Variants in SNTG1 observed in about 807,000 individuals in gnomAD.
The protein encoded by SNTG1 is gamma-1-syntrophin.
Under a neutral mutation model 74.7 loss-of-function variants are expected in SNTG1, and 39 were observed. That is an observed-to-expected ratio of 0.52 (90% CI 0.40 to 0.68). The LOEUF (loss-of-function observed/expected upper bound fraction) is 0.68, where lower values mean the gene tolerates loss of function less well. Among genes scored for constraint, SNTG1 ranks in the 30% least tolerant of loss-of-function variants. The pLI is 0.00. For synonymous variants in SNTG1, 254 were observed against 217.1 expected (o/e 1.17, Z -1.49); for missense variants, 685 against 609.5 (o/e 1.12, Z -1.30).
chr8:50,327,004 A>T (rs1156640906), intron 2 of SNTG1, among the ~76,000 whole-genome samples: 1 of 151,698 alleles, frequency 6.6e-6, no homozygotes, highest in Non-Finnish European at 1.5e-5. Flanking sequence ...GATTTTCTAG[A>T]TATCTTTCTG....
chr8:49,988,945 A>G (rs1813426821), intron 1 of SNTG1, among the ~76,000 whole-genome samples: 1 of 151,996 alleles, frequency 6.6e-6, no homozygotes, highest in African/African-American at 2.4e-5. Flanking sequence ...TTTAAATACA[A>G]CTGAAAGAGT....
chr8:50,689,546 A>G (rs193024455), intron 15 of SNTG1, among the ~76,000 whole-genome samples: 1 of 152,176 alleles, frequency 6.6e-6, no homozygotes, highest in Admixed American at 6.5e-5. Context: ...ATGCTGGATT[A>G]AATTTATTGA....
In SNTG1 at chr8:50,696,127, T is replaced by A. The variant is rs116467999; in HGVS notation, c.1039-8473T>A. On this transcript the variant is annotated intron_variant, in intron 15 of 18. Transcript: ENST00000642720. ...CTTTTCTCTATATCTTCACCAAATC[T>A]GTTATTTTATGACATTTTAGTAATA... 6.2e-3 allele frequency among the ~76,000 whole-genome samples: 939 copies of A among 152,162 alleles called. 13 individuals are homozygous for A. Among genetic ancestry groups the A allele is most frequent in the African/African-American group, 0.022 (907 of 41,558 alleles).
chr8:50,021,208 A>G (rs989861826), intron 1 of SNTG1, among the ~76,000 whole-genome samples: 3 of 152,184 alleles, frequency 2.0e-5, no homozygotes, highest in Non-Finnish European at 4.4e-5. Flanking sequence ...GTTGATTTTC[A>G]AATGAAAGAG....
chr8:50,451,357 T>C (rs1345300481), intron 8 of SNTG1, among the ~76,000 whole-genome samples: 1 of 152,284 alleles, frequency 6.6e-6, no homozygotes, highest in Non-Finnish European at 1.5e-5. Flanking sequence ...CCACGGGTGT[T>C]GGTATCCTCT....
chr8:50,141,899 C>T (rs2081670496), intron 1 of SNTG1, among the ~76,000 whole-genome samples: 1 of 151,882 alleles, frequency 6.6e-6, no homozygotes, highest in South Asian at 2.1e-4. Flanking sequence ...AAAAGCTGGG[C>T]ATATATATGT....
chr8:50,445,513 G>A lies in SNTG1; in HGVS notation c.220-4155G>A, dbSNP rs537243233. On this transcript the variant is annotated intron_variant, in intron 5 of 18. Transcript: ENST00000642720. ...ATTTCACAGTAATGCTAGTAAAACC[G>A]TTGTGTAGAGTCATTCTCAAAATGC... Among the ~76,000 whole-genome samples the A allele has an allele frequency of 3.3e-5, 5 of 152,186 alleles. No homozygotes were observed. In the South Asian group the frequency reaches 1.0e-3, roughly 32 times the overall value.
intron 13 of SNTG1, among the ~76,000 whole-genome samples, chr8:50,642,768 T>G (rs1471808524): frequency 1.3e-5 from 2 of 152,160 alleles, no homozygotes; most frequent in African/African-American, 4.8e-5. Context: ...ATTTATTTAT[T>G]TATGGTTCCC....
At chr8:50,685,233 A>C (rs2131407750) in intron 15 of SNTG1, among the ~76,000 whole-genome samples, 1 of 152,264 alleles carries the variant, frequency 6.6e-6, no homozygotes, top group African/African-American at 2.4e-5. Flanking sequence ...TTTTCCTCCA[A>C]GAGATTGGTT....
At chr8:50,503,955 C>A (rs2093985152) in intron 9 of SNTG1, among the ~76,000 whole-genome samples, 2 of 151,972 alleles carry the variant, frequency 1.3e-5, no homozygotes, top group African/African-American at 4.8e-5. Context: ...AAATTAGTAC[C>A]CATTAGTTAT....
chr8:50,615,887 GATCA>G (rs1192277273), intron 13 of SNTG1, among the ~76,000 whole-genome samples: 3 of 152,200 alleles, frequency 2.0e-5, no homozygotes, highest in South Asian at 2.1e-4. Flanking sequence ...GGCACATACT[GATCA>G]ATCAATCACT....
intron 18 of SNTG1, among the ~76,000 whole-genome samples, chr8:50,789,770 A>AT (rs2095685957): frequency 6.6e-6 from 1 of 151,840 alleles, no homozygotes; most frequent in African/African-American, 2.4e-5. Context: ...CAGAATCATC[A>AT]TTTTCTGACT....
At chr8:49,979,776 C>T (rs1261299774) in intron 1 of SNTG1, among the ~76,000 whole-genome samples, 1 of 152,202 alleles carries the variant, frequency 6.6e-6, no homozygotes, top group Non-Finnish European at 1.5e-5. Flanking sequence ...TCTGAGAGAC[C>T]CGCAGCCCAG....
chr8:50,164,475 T>A (rs899279522), intron 1 of SNTG1: 1 of 152,226 alleles, frequency 6.6e-6, no homozygotes, highest in Non-Finnish European at 1.5e-5. Flanking sequence ...ATAGTTTTGT[T>A]CTGCAAAATC....
chr8:50,292,717 C>A (rs879625433), intron 2 of SNTG1, among the ~76,000 whole-genome samples: 3 of 152,040 alleles, frequency 2.0e-5, no homozygotes, highest in Non-Finnish European at 4.4e-5. Context: ...GGGAGAGGCT[C>A]CGTGAGTTTA....
intron 1 of SNTG1, among the ~76,000 whole-genome samples, chr8:49,955,185 A>G (rs1443147430): frequency 1.3e-5 from 2 of 152,230 alleles, no homozygotes; most frequent in Non-Finnish European, 1.5e-5. Context: ...TGTGTAATCT[A>G]TTTCAATATA....
intron 2 of SNTG1, among the ~76,000 whole-genome samples, chr8:50,232,941 T>G (rs1021422403): frequency 1.3e-5 from 2 of 151,648 alleles, no homozygotes; most frequent in East Asian, 3.9e-4. Context: ...AATAAAGTCA[T>G]ACTGTGTTCA....
chr8:50,097,291 T>G (rs2079962993), intron 1 of SNTG1, among the ~76,000 whole-genome samples: 1 of 151,144 alleles, frequency 6.6e-6, no homozygotes, highest in Admixed American at 6.6e-5. Flanking sequence ...GTGTAGATGC[T>G]TAGTTGTGAA....
At chr8:50,059,644 G>A (rs558674453) in intron 1 of SNTG1, among the ~76,000 whole-genome samples, 9 of 152,018 alleles carry the variant, frequency 5.9e-5, no homozygotes, top group Non-Finnish European at 1.2e-4. Context: ...ATGTTTCCCA[G>A]GTTCATCCAT....
Sources: allele counts gnomAD v4.1 joint callset (sites outside exome capture counted in the v4.1 genomes callset), GRCh38; gene constraint gnomAD v4.1.1; transcripts MANE v1.5; gene names NCBI Gene and HGNC (gene_info 2026-07-23, HGNC 2026-07-21).